RAB43: variants seen among roughly 807,000 people sequenced by gnomAD.
RAB43 encodes the protein ras-related protein Rab-43.
In RAB43, 6 loss-of-function variants were observed where a neutral mutation model predicts 18.8. The ratio of observed to expected loss-of-function variants is 0.32; its 90% CI spans 0.17 to 0.63. The LOEUF is 0.63. Ranked by LOEUF, RAB43 falls within the 30% of genes least tolerant of loss-of-function variation. The probability of loss-of-function intolerance (pLI) is 0.79; values close to 1 mark genes in which losing one functional copy is unlikely to be tolerated. For missense variants in RAB43, 195 were observed against 289.1 expected, an observed-to-expected ratio of 0.67 and a Z score of 2.36; for synonymous variants, 103 against 124.1, an observed-to-expected ratio of 0.83 and a Z score of 1.13.
intron 2 of RAB43, among the ~76,000 whole-genome samples, chr3:129,093,507 G>C (rs191713460): frequency 6.6e-6 from 1 of 152,230 alleles, no homozygotes; most frequent in Non-Finnish European, 1.5e-5. Flanking sequence ...CTACTCAGGA[G>C]GCTGAGGCAG....
At chr3:129,102,017 GT>G (rs1934448240) in intron 1 of RAB43, among the ~76,000 whole-genome samples, 1 of 152,202 alleles carries the variant, frequency 6.6e-6, no homozygotes, top group Admixed American at 6.5e-5. Context: ...AAAGCACTGT[GT>G]GCTCATGCCT....
intron 1 of RAB43, among the ~76,000 whole-genome samples, chr3:129,113,094 CAA>C (rs1186860313): frequency 6.6e-6 from 1 of 151,836 alleles, no homozygotes; most frequent in Non-Finnish European, 1.5e-5. Context: ...TACAATTACT[CAA>C]AGAGATGACT....
At position 129,095,627 on chromosome 3, in the gene RAB43, G is replaced by A. The variant is rs1046173187; in HGVS notation, c.205-458C>T. Among the ~76,000 whole-genome samples, 2 of 152,226 alleles carry A rather than the reference G, an allele frequency of 1.3e-5. No homozygotes were observed. Among genetic ancestry groups the A allele is most frequent in the African/African-American group, 4.8e-5 (2 of 41,470 alleles). On this transcript the variant is annotated intron_variant, in intron 1 of 2. Transcript: ENST00000315150. This position sits in a 1 kb window ranked among gnomAD's most constrained non-coding sequence, Gnocchi z 4.2. ...TGTGTGTGAGGCTCCTCCAGCATTAGGGTTCCCTCAGGACTCTACAGCTTG... is the reference window on the plus strand; with the variant it reads ...TGTGTGTGAGGCTCCTCCAGCATTAAGGTTCCCTCAGGACTCTACAGCTTG...
At chr3:129,102,774 C>A (rs374546015) in intron 1 of RAB43, among the ~76,000 whole-genome samples, 7 of 152,112 alleles carry the variant, frequency 4.6e-5, no homozygotes, top group Non-Finnish European at 2.9e-5. Flanking sequence ...GCCAGGAGAG[C>A]CCCTTCCCCA....
In RAB43 at chr3:129,095,006, T is replaced by C. The variant is rs1369437987; in HGVS notation, c.368A>G (p.Asn123Ser). The C allele has an allele frequency of 1.2e-6, 2 of 1,611,284 alleles. No individual in the cohort carries two copies. The highest frequency in any genetic ancestry group is 1.7e-6 in the Non-Finnish European group (2 of 1,178,412). ...IEDVRKYAGSNIVQLLIGNKS... is the reference protein window; with the variant it reads ...IEDVRKYAGSSIVQLLIGNKS... Reference sequence around the variant, plus strand: ...CTCACCGATCAGCAGCTGCACAATGTTGGAGCCCGCATACTTCCTCACATC... The same window carrying C: ...CTCACCGATCAGCAGCTGCACAATGCTGGAGCCCGCATACTTCCTCACATC... The change falls in exon 2 of 3, where the codon AAC becomes AGC. Residue 123 changes from asparagine (N) to serine (S), a missense_variant. By Grantham distance (46) the Asn-to-Ser change is conservative. Coordinates refer to ENST00000315150, the MANE Select transcript of RAB43 (RefSeq NM_198490.3). The surrounding 1 kb of genome is among the most constrained non-coding windows in gnomAD (Gnocchi z 4.2).
rs550284436 is a variant in RAB43 at position 129,111,146 on chromosome 3, G to A, written c.204+10140C>T. ...TCACTTCACATGCATTTCTCCCTCC[G>A]TGTGTTCTGTTAAAATGTGGAGGGT... is the stretch of plus-strand genomic sequence containing the variant. On this transcript the variant is annotated intron_variant, in intron 1 of 2. Coordinates refer to ENST00000315150, the MANE Select transcript of RAB43 (RefSeq NM_198490.3). Among the ~76,000 whole-genome samples, 41 of 151,990 alleles carry A rather than the reference G, an allele frequency of 2.7e-4. 1 individual carries two copies. The highest frequency in any genetic ancestry group is 2.2e-4 in the Non-Finnish European group (15 of 67,964).
Position 129,095,458 on chromosome 3 carries a change from C to T in RAB43, c.205-289G>A, listed in dbSNP as rs1576818478. Among the ~76,000 whole-genome samples the T allele has an allele frequency of 6.6e-6, 1 of 152,358 alleles. No homozygotes were observed. ...CGTGCCCCTCCGTGTGCCCCTCTCCCCTCAGGACTGGGCCCACTGCTGCGA... is the reference window on the plus strand; with the variant it reads ...CGTGCCCCTCCGTGTGCCCCTCTCCTCTCAGGACTGGGCCCACTGCTGCGA... On this transcript the variant is annotated intron_variant, in intron 1 of 2. Transcript: ENST00000315150. This position sits in a 1 kb window ranked among gnomAD's most constrained non-coding sequence, Gnocchi z 4.2.
Position 129,095,740 on chromosome 3 carries a change from G to C in RAB43, c.205-571C>G, listed in dbSNP as rs1934007484. 6.6e-6 allele frequency among the ~76,000 whole-genome samples: 1 copy of C among 152,204 alleles called. No homozygotes were observed. The highest frequency in any genetic ancestry group is 2.1e-4 in the South Asian group (1 of 4,832). On this transcript the variant is annotated intron_variant, in intron 1 of 2. Transcript: ENST00000315150. The surrounding 1 kb of genome is among the most constrained non-coding windows in gnomAD (Gnocchi z 4.2). ...TTTAAGTACAAGGCAGTTTCCACCA[G>C]CTGACCCAGCTTGGCCAAAGCAAGG...
intron 1 of RAB43, among the ~76,000 whole-genome samples, chr3:129,110,180 G>A (rs1234605305): frequency 6.6e-6 from 1 of 151,910 alleles, no homozygotes; most frequent in Non-Finnish European, 1.5e-5. Context: ...AACAGATCCT[G>A]GTAGATAAAT....
In RAB43 at chr3:129,087,666, G is replaced by T. The variant is rs1323484469; in HGVS notation, c.*3430C>A. 1 of 151,888 alleles carries T rather than the reference G, an allele frequency of 6.6e-6. No individual in the cohort carries two copies. The highest frequency in any genetic ancestry group is 2.4e-5 in the African/African-American group (1 of 41,340). The allele number at this position is 151,888 out of a possible 1,614,324, so 9.4% of individuals were successfully genotyped here. A position where few individuals can be genotyped will look rare whatever the true frequency, so the allele number is the denominator to read the frequency against. On this transcript the variant is annotated 3_prime_UTR_variant, in exon 3 of 3. Transcript: ENST00000315150. ...CAACTTTTCCATGTTTTAAAAAATAGATTTGGTATAAAGATTTATATATTC... is the reference window on the plus strand; with the variant it reads ...CAACTTTTCCATGTTTTAAAAAATATATTTGGTATAAAGATTTATATATTC...
intron 2 of RAB43, chr3:129,092,729 G>C (rs1161677520): frequency 5.1e-6 from 2 of 389,114 alleles, no homozygotes; most frequent in Non-Finnish European, 9.2e-6. Context: ...GGCTGAGGCG[G>C]GTGGATCACG....
In RAB43 at chr3:129,121,429, G is replaced by C; in HGVS notation, c.61C>G (p.Leu21Val). ...ACGCTTGCGTCGCCCACCAGCACCA[G>C]CTTGAACAGGAAATCGTACTGCTCG... Reference protein sequence around the residue: ...PDEQYDFLFKLVLVGDASVGK... With the variant: ...PDEQYDFLFKVVLVGDASVGK... Residue 21 changes from leucine (L) to valine (V), a missense_variant, in exon 1 of 3, where the codon CTG (leucine) becomes GTG (valine). Coordinates refer to ENST00000315150, the MANE Select transcript of RAB43 (RefSeq NM_198490.3). The C allele has an allele frequency of 1.2e-6, 2 of 1,613,358 alleles. No individual in the cohort carries two copies. The highest frequency in any genetic ancestry group is 1.7e-6 in the Non-Finnish European group (2 of 1,179,662).
chr3:129,110,052 A>G (rs1935056898), intron 1 of RAB43, among the ~76,000 whole-genome samples: 2 of 151,932 alleles, frequency 1.3e-5, no homozygotes. Flanking sequence ...TTTTGCAGAG[A>G]CAGGTTCTCC....
chr3:129,102,055 G>C (rs879598400), intron 1 of RAB43, among the ~76,000 whole-genome samples: 6 of 152,158 alleles, frequency 3.9e-5, no homozygotes, highest in African/African-American at 1.4e-4. Context: ...AGAGGCCTCC[G>C]CACCCTAGGG....
chr3:129,109,381 G>A (rs1168814841), intron 1 of RAB43, among the ~76,000 whole-genome samples: 1 of 149,566 alleles, frequency 6.7e-6, no homozygotes, highest in Non-Finnish European at 1.5e-5. Flanking sequence ...CTACACTCCA[G>A]CCTGGGCGAC....
rs907537784 is a variant in RAB43 at position 129,109,186 on chromosome 3, G to A, written c.204+12100C>T. On this transcript the variant is annotated intron_variant, in intron 1 of 2. Transcript: ENST00000315150. Reference sequence around the variant, plus strand: ...AACACTTTGGGAGGCCAAGGCGGGCGGATCACGAGGTCAGGAGATCGAGAC... The same window carrying A: ...AACACTTTGGGAGGCCAAGGCGGGCAGATCACGAGGTCAGGAGATCGAGAC... Among the ~76,000 whole-genome samples the A allele has an allele frequency of 4.1e-4, 62 of 152,176 alleles. 1 individual carries two copies. In the South Asian group the frequency reaches 0.012, roughly 30 times the overall value.
At chr3:129,098,661 T>C (rs1934209397) in intron 1 of RAB43, among the ~76,000 whole-genome samples, 1 of 152,128 alleles carries the variant, frequency 6.6e-6, no homozygotes, top group South Asian at 2.1e-4. Flanking sequence ...ACAAGGAAAG[T>C]ATGTTCAAAG....
chr3:129,091,272 T>C lies in RAB43; in HGVS notation c.463A>G (p.Ile155Val). 5.7e-6 allele frequency: 9 copies of C among 1,582,236 alleles called. No individual in the cohort carries two copies. Among genetic ancestry groups the C allele is most frequent in the Non-Finnish European group, 6.0e-6 (7 of 1,162,948 alleles). The change falls in exon 3 of 3, where the codon ATC becomes GTC. Residue 155 changes from isoleucine (I) to valine (V), a missense_variant. Physicochemically the swap from Ile to Val is conservative, Grantham distance 29 (BLOSUM62 3). Transcript: ENST00000315150. ...GCAGACGTCTCAATGGCACACAGGA[T>C]GTCATAGTGCTCAGCCAGGCTCTGT... ...EAQSLAEHYD[I>V]LCAIETSAKD... is the part of the protein sequence containing the mutation.
intron 1 of RAB43, among the ~76,000 whole-genome samples, chr3:129,096,416 A>G (rs909630229): frequency 6.6e-6 from 1 of 152,248 alleles, no homozygotes; most frequent in East Asian, 1.9e-4. Flanking sequence ...TATGTTCCAT[A>G]GTTCATGCGT....
Sources: gnomAD v4.1 joint callset for allele counts (sites outside exome capture counted in the v4.1 genomes callset) on GRCh38, gnomAD v4.1.1 for gene constraint, Gnocchi (gnomAD v3.1) non-coding constraint, MANE v1.5 for transcripts, NCBI Gene and HGNC (gene_info 2026-07-23, HGNC 2026-07-21) for gene names.